SEMA3A: variants seen among roughly 807,000 people sequenced by gnomAD.
The protein encoded by SEMA3A is semaphorin 3A.
SEMA3A carries 29 observed loss-of-function variants against 97.9 expected under a neutral mutation model. The ratio of observed to expected loss-of-function variants is 0.30; its 90% CI spans 0.22 to 0.40. SEMA3A has a LOEUF of 0.40. Among genes scored for constraint, SEMA3A ranks in the 10% least tolerant of loss-of-function variants. SEMA3A has a pLI of 1.00. For missense variants in SEMA3A, 763 were observed against 951.3 expected, an observed-to-expected ratio of 0.80 and a Z score of 2.60; for synonymous variants, 321 against 323.7, an observed-to-expected ratio of 0.99 and a Z score of 0.09.
chr7:84,126,551 T>C (rs1019766558), intron 3 of SEMA3A, among the ~76,000 whole-genome samples: 1 of 152,176 alleles, frequency 6.6e-6, no homozygotes, highest in Non-Finnish European at 1.5e-5. Context: ...CCAGAAAAGG[T>C]AATATATTTG....
chr7:84,008,576 G>T (rs1790762785), intron 9 of SEMA3A, among the ~76,000 whole-genome samples: 1 of 151,078 alleles, frequency 6.6e-6, no homozygotes, highest in Admixed American at 6.6e-5. Context: ...TTTATACAAA[G>T]ATATTAAACA....
rs59914725 is a variant in SEMA3A at position 84,234,634 on chromosome 7, G to C, written c.-82-39966C>G. 3.9e-5 allele frequency among the ~76,000 whole-genome samples: 6 copies of C among 151,958 alleles called. No homozygotes were observed. In the East Asian group the frequency reaches 1.2e-3, roughly 29 times the overall value. On this transcript the variant is annotated intron_variant, in intron 3 of 3. Coordinates refer to the SEMA3A transcript ENST00000424555. Reference sequence around the variant, plus strand: ...GGGCGTCTTCAACTCCAAAGACCTCGATTTTTATTTTACCCATATGTTTCT... The same window carrying C: ...GGGCGTCTTCAACTCCAAAGACCTCCATTTTTATTTTACCCATATGTTTCT...
chr7:84,488,960 A>G (rs1806652245), intron 1 of SEMA3A: 1 of 152,192 alleles, frequency 6.6e-6, no homozygotes, highest in African/African-American at 2.4e-5. Flanking sequence ...TGGTTGGGGT[A>G]GCATCTTCCC....
intron 4 of SEMA3A, among the ~76,000 whole-genome samples, chr7:84,061,926 T>C (rs1202866999): frequency 2.6e-5 from 4 of 152,184 alleles, no homozygotes; most frequent in South Asian, 2.1e-4. Flanking sequence ...TTTCACAGAA[T>C]TGTACTAAGT....
chr7:84,376,158 G>T (rs971008238), intron 1 of SEMA3A, among the ~76,000 whole-genome samples: 3 of 152,180 alleles, frequency 2.0e-5, no homozygotes, highest in African/African-American at 4.8e-5. Context: ...AATAAACAGG[G>T]ATGCAGACAT....
chr7:84,473,779 T>G (rs1806212804), intron 1 of SEMA3A, among the ~76,000 whole-genome samples: 1 of 152,192 alleles, frequency 6.6e-6, no homozygotes, highest in Non-Finnish European at 1.5e-5. Flanking sequence ...AAATAATGAC[T>G]AGGAGCCTCA....
chr7:84,050,369 T>A (rs1226411602), intron 5 of SEMA3A, among the ~76,000 whole-genome samples: 3 of 152,140 alleles, frequency 2.0e-5, no homozygotes, highest in Admixed American at 1.3e-4. Context: ...CTCCAGCACC[T>A]GTTGTTTCCT....
chr7:84,376,278 G>A (rs1289909933), intron 1 of SEMA3A, among the ~76,000 whole-genome samples: 3 of 152,046 alleles, frequency 2.0e-5, no homozygotes, highest in African/African-American at 7.2e-5. Context: ...GTTTTTTATG[G>A]TTGTGCTAAT....
At chr7:84,053,612 A>C (rs894005601) in intron 5 of SEMA3A, among the ~76,000 whole-genome samples, 3 of 147,670 alleles carry the variant, frequency 2.0e-5, no homozygotes, top group East Asian at 2.0e-4. Context: ...GTGTCTCTGC[A>C]CGTGAGATGG....
chr7:84,471,762 T>C (rs1479988385), intron 1 of SEMA3A, among the ~76,000 whole-genome samples: 1 of 152,096 alleles, frequency 6.6e-6, no homozygotes, highest in Non-Finnish European at 1.5e-5. Context: ...AAACCATCCA[T>C]ATTTCTGTGC....
chr7:83,980,786 A>C (rs1050789954), intron 14 of SEMA3A, among the ~76,000 whole-genome samples: 6 of 151,610 alleles, frequency 4.0e-5, no homozygotes, highest in African/African-American at 1.5e-4. Flanking sequence ...TGCTATAATA[A>C]TATAATAACA....
chr7:84,373,167 C>A (rs993498783), intron 1 of SEMA3A, among the ~76,000 whole-genome samples: 6 of 152,176 alleles, frequency 3.9e-5, no homozygotes, highest in Non-Finnish European at 8.8e-5. Context: ...TGTCCCCAGT[C>A]AACCTGTAGA....
chr7:84,091,172 GAAAGAAA>G (rs1794571972), intron 4 of SEMA3A, among the ~76,000 whole-genome samples: 1,083 of 36,348 alleles, frequency 0.03, 23 homozygotes, highest in Middle Eastern at 0.083. Flanking sequence ...AGGAAGGAAA[GAAAGAAA>G]GAAAGAAAGA....
chr7:84,023,305 T>A (rs549726900), intron 6 of SEMA3A, among the ~76,000 whole-genome samples: 1 of 152,302 alleles, frequency 6.6e-6, no homozygotes, highest in African/African-American at 2.4e-5. Flanking sequence ...CAGCAACATT[T>A]TGACCAGCAT....
Position 84,014,301 on chromosome 7 carries a change from C to T in SEMA3A, c.718G>A (p.Asp240Asn). Residue 240 changes from aspartate to asparagine, a missense_variant, in exon 7 of 17, where the codon GAT becomes AAT. Asp to Asn is a conservative substitution (Grantham distance 23). Coordinates refer to ENST00000265362, the MANE Select transcript of SEMA3A (RefSeq NM_006080.3). ...HLISESDNPE[D>N]DKVYFFFREN... Reference sequence around the variant, plus strand: ...CGGAAGAAAAAGTATACTTTGTCATCTTCAGGATTGTCACTCTCTGAGATG... The same window carrying T: ...CGGAAGAAAAAGTATACTTTGTCATTTTCAGGATTGTCACTCTCTGAGATG... 6.2e-7 allele frequency: 1 copy of T among 1,612,912 alleles called. No individual in the cohort carries two copies. The highest frequency in any genetic ancestry group is 2.2e-5 in the East Asian group (1 of 44,786).
chr7:84,068,582 G>T (rs937960045), intron 4 of SEMA3A, among the ~76,000 whole-genome samples: 1 of 151,956 alleles, frequency 6.6e-6, no homozygotes, highest in African/African-American at 2.4e-5. Flanking sequence ...AGAACGAAGT[G>T]GTAGTGTGGT....
At chr7:84,178,086 A>C (rs1176408085) in intron 1 of SEMA3A, among the ~76,000 whole-genome samples, 1 of 152,168 alleles carries the variant, frequency 6.6e-6, no homozygotes, top group Non-Finnish European at 1.5e-5. Context: ...AATACAATGC[A>C]GGGAAAAAGC....
intron 4 of SEMA3A, among the ~76,000 whole-genome samples, chr7:84,088,563 C>T (rs2040876): frequency 0.41 from 62,821 of 151,904 alleles, 14,847 homozygotes; most frequent in Admixed American, 0.52. Context: ...TTTTATTTAT[C>T]ATTATCATAA....
chr7:84,192,564 T>C (rs141022254), intron 1 of SEMA3A, among the ~76,000 whole-genome samples: 1 of 151,942 alleles, frequency 6.6e-6, no homozygotes, highest in Non-Finnish European at 1.5e-5. Context: ...TAATATATAC[T>C]GCTTGCTTCA....
Sources: allele counts gnomAD v4.1 joint callset (sites outside exome capture counted in the v4.1 genomes callset), GRCh38; gene constraint gnomAD v4.1.1; transcripts MANE v1.5; gene names NCBI Gene and HGNC (gene_info 2026-07-23, HGNC 2026-07-21).